RUBCNL: variants seen among roughly 807,000 people sequenced by gnomAD.
RUBCNL encodes the protein protein associated with UVRAG as autophagy enhancer.
A neutral mutation model predicts 69.5 loss-of-function variants in RUBCNL; 62 were observed. That is an observed-to-expected ratio of 0.89 (90% CI 0.73 to 1.10). The LOEUF (loss-of-function observed/expected upper bound fraction) is 1.10, where lower values mean the gene tolerates loss of function less well. Ranked by LOEUF, RUBCNL falls within the 50% of genes least tolerant of loss-of-function variation. The pLI is 0.00. For synonymous variants in RUBCNL, 291 were observed against 303.6 expected, an observed-to-expected ratio of 0.96 and a Z score of 0.43; for missense variants, 768 against 798.1, an observed-to-expected ratio of 0.96 and a Z score of 0.45.
At chr13:46,373,826 C>T (rs763817725) in intron 2 of RUBCNL, among the ~76,000 whole-genome samples, 11 of 152,206 alleles carry the variant, frequency 7.2e-5, no homozygotes, top group South Asian at 4.1e-4. Context: ...TCTGATTTCC[C>T]GGCTAGCAAA....
chr13:46,350,473 GC>G, intron 10 of RUBCNL, 122 bp from the exon 11 acceptor site: 1 of 717,538 alleles, frequency 1.4e-6, no homozygotes. Flanking sequence ...TGATGATAAA[GC>G]CATACTCAAC....
chr13:46,357,106 G>A (rs2048504079), intron 9 of RUBCNL, among the ~76,000 whole-genome samples: 1 of 150,994 alleles, frequency 6.6e-6, no homozygotes, highest in Non-Finnish European at 1.5e-5. Flanking sequence ...ACTTTGGGAG[G>A]CTGAGGCAGG....
At position 46,343,478 on chromosome 13, in the gene RUBCNL, G is replaced by T; in HGVS notation, c.1896C>A (p.His632Gln). 1 of 1,613,870 alleles carries T rather than the reference G, an allele frequency of 6.2e-7. No homozygotes were observed. Among genetic ancestry groups the T allele is most frequent in the Non-Finnish European group, 8.5e-7 (1 of 1,179,800 alleles). ...RRCSACRACF[H>Q]KQCFQSSECP... ...ACTCGGAGGACTGGAAGCACTGTTTGTGAAAGCAAGCCCTGCACGCTGCAA... is the reference window on the plus strand; with the variant it reads ...ACTCGGAGGACTGGAAGCACTGTTTTTGAAAGCAAGCCCTGCACGCTGCAA... The change falls in exon 15 of 15, where the codon CAC becomes CAA. Residue 632 changes from histidine to glutamine, a missense_variant. Physicochemically the swap from His to Gln is conservative, Grantham distance 24. Coordinates refer to ENST00000429979, the MANE Select transcript of RUBCNL (RefSeq NM_025113.5).
Position 46,362,000 on chromosome 13 carries a change from C to T in RUBCNL, c.987-427G>A, listed in dbSNP as rs1400487008. Among the ~76,000 whole-genome samples, 6 of 151,052 alleles carry T rather than the reference C, an allele frequency of 4.0e-5. No individual in the cohort carries two copies. The South Asian group carries it at 1.0e-3, about 26-fold the overall frequency. ...CAGAATTTTGGGAGGCTGAGGCAGG[C>T]GGATCACCTGAGGTCAGGAGTTCAA... On this transcript the variant is annotated intron_variant, in intron 7 of 14. Transcript: ENST00000429979.
In RUBCNL at chr13:46,338,463, G is replaced by C. The variant is rs1024692016; in HGVS notation, c.*4922C>G. ...AGGCTGGACCAGGGGAAAGACCTGAGCAGCCCTAAAAGTGGGGTTGAGACC... is the reference window on the plus strand; with the variant it reads ...AGGCTGGACCAGGGGAAAGACCTGACCAGCCCTAAAAGTGGGGTTGAGACC... On this transcript the variant is annotated 3_prime_UTR_variant, in exon 15 of 15. Coordinates refer to ENST00000429979, the MANE Select transcript of RUBCNL (RefSeq NM_025113.5). 6.6e-6 allele frequency among the ~76,000 whole-genome samples: 1 copy of C among 152,084 alleles called. No individual in the cohort carries two copies. The highest frequency in any genetic ancestry group is 1.5e-5 in the Non-Finnish European group (1 of 68,008).
Position 46,345,495 on chromosome 13 carries a change from T to TAAGG in RUBCNL, c.1733_1736dup (p.Leu579PhefsTer18), listed in dbSNP as rs769651976. ...GGGAAGCTTTCAGAATGTCCTTGAG[T>TAAGG]AAGGGTGCCAGCAGCCCTTTCTTGA... On this transcript the variant is annotated frameshift_variant, in exon 13 of 15. Coordinates refer to ENST00000429979, the MANE Select transcript of RUBCNL (RefSeq NM_025113.5). LOFTEE classifies it high-confidence loss of function. The TAAGG allele has an allele frequency of 1.3e-6, 2 of 1,597,498 alleles. No individual in the cohort carries two copies. The highest frequency in any genetic ancestry group is 1.7e-6 in the Non-Finnish European group (2 of 1,172,094).
At chr13:46,351,158 G>C (rs1182043330) in intron 10 of RUBCNL, among the ~76,000 whole-genome samples, 1 of 151,980 alleles carries the variant, frequency 6.6e-6, no homozygotes, top group Non-Finnish European at 1.5e-5. Context: ...CTAGCTACTT[G>C]GGAGGCTAAG....
At chr13:46,362,939 G>GATATAGATATAT (rs1438667730) in intron 6 of RUBCNL, among the ~76,000 whole-genome samples, 176 bp downstream of exon 6, 3 of 41,504 alleles carry the variant, frequency 7.2e-5, no homozygotes, top group East Asian at 2.3e-3. Flanking sequence ...TATATATATA[G>GATATAGATATAT]ATATATATAT....
At position 46,334,952 on chromosome 13, in the gene RUBCNL, G is replaced by A. The variant is rs1369618923; in HGVS notation, c.*8433C>T. ...AAGGAAAGTGGGGGAAGATTTGGGG[G>A]TATACTAAGGGCAAGAGGAATTTTT... On this transcript the variant is annotated 3_prime_UTR_variant, in exon 15 of 15. Transcript: ENST00000429979. Among the ~76,000 whole-genome samples, 1 of 152,136 alleles carries A rather than the reference G, an allele frequency of 6.6e-6. No homozygotes were observed. The highest frequency in any genetic ancestry group is 1.5e-5 in the Non-Finnish European group (1 of 68,026).
At chr13:46,350,064 G>T (rs1368562751) in intron 11 of RUBCNL, 49 bp downstream of exon 11, 2 of 1,376,860 alleles carry the variant, frequency 1.5e-6, no homozygotes, top group African/African-American at 1.4e-5. Flanking sequence ...TGCATTTCCT[G>T]CCACAGGACA....
chr13:46,387,848 T>G, upstream of RUBCNL: 1 of 985,526 alleles, frequency 1.0e-6, no homozygotes, highest in Non-Finnish European at 1.2e-6. Context: ...GTGCAGTGGT[T>G]AGTCCTGAGA....
At chr13:46,375,209 C>T (rs1000507706) in intron 2 of RUBCNL, among the ~76,000 whole-genome samples, 2 of 152,106 alleles carry the variant, frequency 1.3e-5, no homozygotes, top group African/African-American at 4.8e-5. Context: ...ATGGAAAGAA[C>T]AAATCCAACA....
intron 9 of RUBCNL, among the ~76,000 whole-genome samples, chr13:46,358,251 T>C (rs1490707633): frequency 4.6e-5 from 7 of 152,046 alleles, no homozygotes; most frequent in Admixed American, 4.6e-4. Flanking sequence ...TGGGGCAGAG[T>C]CAACCTCTCT....
chr13:46,353,951 G>A (rs1401553488), intron 10 of RUBCNL, among the ~76,000 whole-genome samples: 1 of 152,160 alleles, frequency 6.6e-6, no homozygotes, highest in Non-Finnish European at 1.5e-5. Flanking sequence ...ACTGCATAGT[G>A]CAGTTCTAGA....
rs111311766 is a variant in RUBCNL, at chr13:46,366,646, C to T, written c.826+1396G>A. 8.2e-3 allele frequency among the ~76,000 whole-genome samples: 1,242 copies of T among 152,256 alleles called. 11 individuals are homozygous for T. The highest frequency in any genetic ancestry group is 0.028 in the African/African-American group (1,151 of 41,534). ...TGCTATACACCATATGGAGTGAGTT[C>T]TTCCTTTGTTATTGAGTATTCCTGA... On this transcript the variant is annotated intron_variant, in intron 5 of 14. Coordinates refer to ENST00000429979, the MANE Select transcript of RUBCNL (RefSeq NM_025113.5).
intron 14 of RUBCNL, 51 bp from the exon 15 acceptor site, chr13:46,343,548 C>T (rs2048179165): frequency 1.9e-6 from 3 of 1,572,824 alleles, no homozygotes; most frequent in Non-Finnish European, 2.6e-6. Context: ...TGTTTTCTCA[C>T]ATTTCTGCAG....
rs574014051 is a variant in RUBCNL, at chr13:46,387,250, G to T, written c.-355C>A. The T allele has an allele frequency of 3.0e-6, 3 of 985,426 alleles. No homozygotes were observed. Among genetic ancestry groups the T allele is most frequent in the African/African-American group, 1.7e-5 (1 of 57,332 alleles). The allele number at this position is 985,426 out of a possible 1,614,324, so 61.0% of individuals were successfully genotyped here. Reference sequence around the variant, plus strand: ...CCGCGCTCCCGGTAACAGCAGAAAGGGGAGGGAGGAGAGCTACCGAGGAGG... The same window carrying T: ...CCGCGCTCCCGGTAACAGCAGAAAGTGGAGGGAGGAGAGCTACCGAGGAGG... On this transcript the variant is annotated 5_prime_UTR_variant, in exon 1 of 15. Transcript: ENST00000429979.
chr13:46,381,788 G>C (rs924976678), intron 1 of RUBCNL, among the ~76,000 whole-genome samples: 2 of 152,110 alleles, frequency 1.3e-5, no homozygotes, highest in Admixed American at 6.5e-5. Flanking sequence ...CTCCATGTTT[G>C]TCAGGCTGGT....
At position 46,336,469 on chromosome 13, in the gene RUBCNL, A is replaced by C; in HGVS notation, c.*6916T>G. Among the ~76,000 whole-genome samples the C allele has an allele frequency of 6.6e-6, 1 of 152,312 alleles. No homozygotes were observed. Among genetic ancestry groups the C allele is most frequent in the East Asian group, 1.9e-4 (1 of 5,182 alleles). On this transcript the variant is annotated 3_prime_UTR_variant, in exon 15 of 15. Transcript: ENST00000429979. ...TCTATATGGTAAAATTTACAAAGAA[A>C]ATTTTTGAAAATTATTCTAATCCCA...
Sources: allele counts gnomAD v4.1 joint callset (sites outside exome capture counted in the v4.1 genomes callset), GRCh38; gene constraint gnomAD v4.1.1; transcripts MANE v1.5; gene names NCBI Gene and HGNC (gene_info 2026-07-23, HGNC 2026-07-21).